Variants in DLGAP2 observed in about 807,000 individuals in gnomAD.
DLGAP2 encodes the protein DLG associated protein 2, also known as disks large-associated protein 2.
DLGAP2 carries 26 observed loss-of-function variants against 100.3 expected under a neutral mutation model. The ratio of observed to expected loss-of-function variants is 0.26; its 90% CI spans 0.19 to 0.36. The LOEUF (loss-of-function observed/expected upper bound fraction) is 0.36, where lower values mean the gene tolerates loss of function less well. Ranked by LOEUF, DLGAP2 falls within the 10% of genes least tolerant of loss-of-function variation. The probability of loss-of-function intolerance (pLI) is 1.00; values close to 1 mark genes in which losing one functional copy is unlikely to be tolerated. For synonymous variants in DLGAP2, 886 were observed against 630.1 expected, an observed-to-expected ratio of 1.41 and a Z score of -6.08; for missense variants, 1,858 against 1,453.2, an observed-to-expected ratio of 1.28 and a Z score of -4.53.
At chr8:1,146,598 CGCATGTGTGTGCAT>C (rs1796611618) in intron 2 of DLGAP2, among the ~76,000 whole-genome samples, 1 of 151,880 alleles carries the variant, frequency 6.6e-6, no homozygotes, top group African/African-American at 2.4e-5. Flanking sequence ...TGTGCACCTG[CGCATGTGTGTGCAT>C]GCACGTGTGT....
intron 3 of DLGAP2, among the ~76,000 whole-genome samples, chr8:1,315,374 G>C (rs191576407): frequency 7.1e-6 from 1 of 141,572 alleles, no homozygotes. Context: ...CGAGTGCAGC[G>C]TCTCTCCAAC....
chr8:930,761 C>T lies in DLGAP2; in HGVS notation c.73+22795C>T, dbSNP rs185415565. Reference sequence around the variant, plus strand: ...CGCTGTCTTCCAGAGCTGTGGGAGCCACACCAGTGTGCCAGGCCGTGGTGC... The same window carrying T: ...CGCTGTCTTCCAGAGCTGTGGGAGCTACACCAGTGTGCCAGGCCGTGGTGC... On this transcript the variant is annotated intron_variant, in intron 2 of 14. Transcript: ENST00000637795. 2.3e-3 allele frequency among the ~76,000 whole-genome samples: 351 copies of T among 152,314 alleles called. 1 individual carries two copies. Among genetic ancestry groups the T allele is most frequent in the African/African-American group, 7.7e-3 (321 of 41,560 alleles).
intron 3 of DLGAP2, among the ~76,000 whole-genome samples, chr8:1,278,620 G>A (rs1417807131): frequency 6.6e-6 from 1 of 152,144 alleles, no homozygotes; most frequent in Non-Finnish European, 1.5e-5. Flanking sequence ...AGGACATATT[G>A]CAGAAAAGAG....
At chr8:914,722 G>A (rs1044405206) in intron 2 of DLGAP2, among the ~76,000 whole-genome samples, 36 of 152,236 alleles carry the variant, frequency 2.4e-4, no homozygotes, top group African/African-American at 8.2e-4. Context: ...CCAATTTAAT[G>A]TGGAGACATA....
intron 1 of DLGAP2, among the ~76,000 whole-genome samples, chr8:818,615 G>C (rs1199266489): frequency 6.6e-6 from 1 of 152,192 alleles, no homozygotes; most frequent in Non-Finnish European, 1.5e-5. Flanking sequence ...CTGTACATCC[G>C]AGTGGGAGCT....
Position 904,926 on chromosome 8 carries a change from A to G in DLGAP2, c.19-2986A>G, listed in dbSNP as rs552614856. On this transcript the variant is annotated intron_variant, in intron 1 of 14. Coordinates refer to ENST00000637795, the MANE Select transcript of DLGAP2 (RefSeq NM_001346810.2). The stretch of plus-strand genomic sequence containing the variant: ...CCTTCAGAGAGGAAGAAATAAACCT[A>G]TTATGGTCCTGCCTTCCTGCTCCAG... Among the ~76,000 whole-genome samples, 36 of 152,282 alleles carry G rather than the reference A, an allele frequency of 2.4e-4. No individual in the cohort carries two copies. In the South Asian group the frequency reaches 5.2e-3, roughly 22 times the overall value.
chr8:961,352 G>A (rs747601158), intron 2 of DLGAP2, among the ~76,000 whole-genome samples: 6 of 150,452 alleles, frequency 4.0e-5, no homozygotes, highest in East Asian at 1.9e-4. Context: ...TCCAAGAACC[G>A]TCCAGTTTGA....
intron 1 of DLGAP2, among the ~76,000 whole-genome samples, chr8:825,583 C>T (rs780789497): frequency 1.3e-5 from 2 of 152,192 alleles, no homozygotes; most frequent in African/African-American, 4.8e-5. Context: ...CCTCTCATTC[C>T]AGATGTTGCT....
At chr8:1,119,221 G>A (rs1290829201) in intron 2 of DLGAP2, among the ~76,000 whole-genome samples, 2 of 152,242 alleles carry the variant, frequency 1.3e-5, no homozygotes, top group Non-Finnish European at 2.9e-5. Context: ...AGAATAAGAC[G>A]TAAATTTTAA....
chr8:1,303,538 G>A (rs1251200895), intron 3 of DLGAP2, among the ~76,000 whole-genome samples: 1 of 152,120 alleles, frequency 6.6e-6, no homozygotes, highest in African/African-American at 2.4e-5. Context: ...GCGCTGCGCT[G>A]GTCTTATCCA....
chr8:1,558,401 C>T (rs1802039991), intron 5 of DLGAP2, among the ~76,000 whole-genome samples: 1 of 152,174 alleles, frequency 6.6e-6, no homozygotes, highest in Non-Finnish European at 1.5e-5. Context: ...CTGGGGGACA[C>T]ACCTATGGGT....
intron 1 of DLGAP2, among the ~76,000 whole-genome samples, chr8:753,289 C>T (rs1311214242): frequency 1.3e-5 from 2 of 152,182 alleles, no homozygotes; most frequent in Admixed American, 6.5e-5. Flanking sequence ...TTTGGAGGCT[C>T]ACCAGTGCCG....
chr8:1,177,355 C>G (rs1189108787), intron 2 of DLGAP2, among the ~76,000 whole-genome samples: 1 of 152,012 alleles, frequency 6.6e-6, no homozygotes, highest in Non-Finnish European at 1.5e-5. Flanking sequence ...GCTGTTTTAT[C>G]AGGTTTACCA....
At chr8:1,191,580 C>A (rs941494312) in intron 2 of DLGAP2, among the ~76,000 whole-genome samples, 1 of 152,214 alleles carries the variant, frequency 6.6e-6, no homozygotes, top group South Asian at 2.1e-4. Flanking sequence ...GCCCTCTGCA[C>A]TTCTTACATA....
At chr8:1,263,770 T>C (rs1055378333) in intron 3 of DLGAP2, among the ~76,000 whole-genome samples, 3 of 152,202 alleles carry the variant, frequency 2.0e-5, no homozygotes, top group African/African-American at 7.2e-5. Flanking sequence ...CTCTGCTCTC[T>C]GTGGAGAGGG....
At chr8:904,966 G>C (rs375854488) in intron 1 of DLGAP2, among the ~76,000 whole-genome samples, 10 of 152,186 alleles carry the variant, frequency 6.6e-5, no homozygotes, top group African/African-American at 2.4e-4. Context: ...AGCCGGTGCG[G>C]CAAGCGACGT....
chr8:1,644,930 A>T (rs933946911), intron 8 of DLGAP2, among the ~76,000 whole-genome samples: 7 of 152,214 alleles, frequency 4.6e-5, no homozygotes, highest in African/African-American at 1.2e-4. Context: ...AGGGAAAAAA[A>T]ACTAGAGTGA....
chr8:1,095,598 G>A (rs1430249638), intron 2 of DLGAP2, among the ~76,000 whole-genome samples: 1 of 152,182 alleles, frequency 6.6e-6, no homozygotes, highest in Non-Finnish European at 1.5e-5. Context: ...GGTCTTCAAA[G>A]TAAACCATTT....
chr8:964,776 C>G (rs1187691218), intron 2 of DLGAP2, among the ~76,000 whole-genome samples: 1 of 152,234 alleles, frequency 6.6e-6, no homozygotes, highest in African/African-American at 2.4e-5. Context: ...GAGGGCCACA[C>G]TTCTTGCTGC....
Sources: allele counts gnomAD v4.1 joint callset (sites outside exome capture counted in the v4.1 genomes callset), GRCh38; gene constraint gnomAD v4.1.1; transcripts MANE v1.5; gene names NCBI Gene and HGNC (gene_info 2026-07-23, HGNC 2026-07-21).